The following SAMD5 variants were observed in gnomAD, a reference collection of about 807,000 sequenced individuals.
SAMD5 encodes sterile alpha motif domain containing 5.
Under a neutral mutation model 11.3 loss-of-function variants are expected in SAMD5, and 13 were observed. The ratio of observed to expected loss-of-function variants is 1.15; its 90% CI spans 0.75 to 1.83. The LOEUF (loss-of-function observed/expected upper bound fraction) is 1.83, where lower values mean the gene tolerates loss of function less well. SAMD5 is among the 40% of genes most tolerant of loss of function. SAMD5 has a pLI of 0.00. For synonymous variants in SAMD5, 129 were observed against 111.3 expected (o/e 1.16, Z -1.00); for missense variants, 255 against 239.1 (o/e 1.07, Z -0.44).
At chr6:147,843,118 C>G in the SAMD5 span, among the ~76,000 whole-genome samples, 1 of 152,202 alleles carries the variant, frequency 6.6e-6, no homozygotes, top group African/African-American at 2.4e-5. Flanking sequence ...CCCACCTCGG[C>G]CTCCCAAAGT....
At chr6:147,804,192 C>A in the SAMD5 span, among the ~76,000 whole-genome samples, 2 of 151,130 alleles carry the variant, frequency 1.3e-5, no homozygotes, top group African/African-American at 4.9e-5. Flanking sequence ...GCTGCAACTT[C>A]CACCTCTTGA....
At chr6:147,575,592 G>A (rs1382816286) in intron 1 of SAMD5, among the ~76,000 whole-genome samples, 1 of 152,218 alleles carries the variant, frequency 6.6e-6, no homozygotes, top group South Asian at 2.1e-4. Flanking sequence ...TCAAATCAAT[G>A]AAATTACAAG....
At chr6:147,647,900 G>A (rs2128453053) in intron 1 of SAMD5, among the ~76,000 whole-genome samples, 1 of 152,296 alleles carries the variant, frequency 6.6e-6, no homozygotes, top group South Asian at 2.1e-4. Flanking sequence ...AGGTAACAGA[G>A]TGTTGATGTT....
At chr6:147,882,079 C>G in the SAMD5 span, among the ~76,000 whole-genome samples, 1 of 152,102 alleles carries the variant, frequency 6.6e-6, no homozygotes, top group African/African-American at 2.4e-5. Context: ...TATCATGTGT[C>G]TCTCCTTGCC....
the SAMD5 span, among the ~76,000 whole-genome samples, chr6:147,792,146 A>G: frequency 6.6e-6 from 1 of 152,200 alleles, no homozygotes; most frequent in Non-Finnish European, 1.5e-5. Flanking sequence ...TTTATGAAAC[A>G]ACGTTACTGA....
intron 1 of SAMD5, among the ~76,000 whole-genome samples, chr6:147,531,031 A>T (rs1788422211): frequency 6.6e-6 from 1 of 152,156 alleles, no homozygotes; most frequent in South Asian, 2.1e-4. Context: ...TAAAACATAA[A>T]CCTTTTTCTC....
At chr6:147,922,111 T>C in the SAMD5 span, among the ~76,000 whole-genome samples, 2 of 152,168 alleles carry the variant, frequency 1.3e-5, no homozygotes, top group African/African-American at 4.8e-5. Context: ...AGTATACCCA[T>C]TCTCCTGACT....
At chr6:147,652,242 G>A (rs9403871) in intron 1 of SAMD5, among the ~76,000 whole-genome samples, 62,612 of 151,932 alleles carry the variant, frequency 0.41, 14,896 homozygotes, top group Middle Eastern at 0.54. Context: ...TTCATCAGAG[G>A]TTCCAAATAT....
At chr6:147,554,588 GT>G (rs143633451) in intron 1 of SAMD5, among the ~76,000 whole-genome samples, 4,931 of 152,202 alleles carry the variant, frequency 0.032, 260 homozygotes, top group African/African-American at 0.11. Context: ...AGAGAAGCAT[GT>G]TTTTTCCAGG....
chr6:147,633,259 T>C (rs944639700), intron 1 of SAMD5, among the ~76,000 whole-genome samples: 1 of 152,166 alleles, frequency 6.6e-6, no homozygotes, highest in African/African-American at 2.4e-5. Context: ...CTTTAGATAA[T>C]CTTTCACCAG....
chr6:147,860,148 T>G, the SAMD5 span, among the ~76,000 whole-genome samples: 1 of 152,136 alleles, frequency 6.6e-6, no homozygotes, highest in Admixed American at 6.6e-5. Context: ...GGATCCCTTC[T>G]TGCTTTCTTG....
intron 1 of SAMD5, among the ~76,000 whole-genome samples, chr6:147,663,363 A>G (rs1790672345): frequency 6.6e-6 from 1 of 152,162 alleles, no homozygotes; most frequent in African/African-American, 2.4e-5. Flanking sequence ...AAAAGAACTA[A>G]TGGGTACTAG....
chr6:147,525,071 A>T (rs1258904567), intron 1 of SAMD5, among the ~76,000 whole-genome samples: 1 of 151,888 alleles, frequency 6.6e-6, no homozygotes, highest in East Asian at 1.9e-4. Flanking sequence ...TTGCTTTATA[A>T]GATTTGGCAA....
intron 1 of SAMD5, among the ~76,000 whole-genome samples, chr6:147,616,176 T>C (rs55786344): frequency 0.029 from 2,700 of 93,604 alleles, 134 homozygotes; most frequent in African/African-American, 0.13. Context: ...CATATATATT[T>C]ATTCATATAT....
chr6:147,849,484 T>A, the SAMD5 span, among the ~76,000 whole-genome samples: 278 of 152,280 alleles, frequency 1.8e-3, 1 homozygote, highest in Middle Eastern at 6.8e-3. Flanking sequence ...GGGTTTTGAT[T>A]TACTTAAGAG....
At chr6:147,951,923 A>G in the SAMD5 span, among the ~76,000 whole-genome samples, 3 of 152,360 alleles carry the variant, frequency 2.0e-5, no homozygotes, top group East Asian at 5.8e-4. Flanking sequence ...ATCGGGATAC[A>G]TAGAACACCA....
chr6:147,597,885 G>A (rs969344396), intron 1 of SAMD5, among the ~76,000 whole-genome samples: 3 of 152,040 alleles, frequency 2.0e-5, no homozygotes, highest in Non-Finnish European at 2.9e-5. Context: ...CTGTCATCTG[G>A]TCACCTAGAT....
intron 1 of SAMD5, among the ~76,000 whole-genome samples, chr6:147,613,843 C>T (rs910471987): frequency 6.6e-6 from 1 of 151,832 alleles, no homozygotes; most frequent in Non-Finnish European, 1.5e-5. Flanking sequence ...TAAACATTTT[C>T]TTCCCTCTGT....
chr6:147,909,797 A>G, the SAMD5 span, among the ~76,000 whole-genome samples: 41,688 of 151,664 alleles, frequency 0.27, 6,848 homozygotes, highest in South Asian at 0.47. Flanking sequence ...AATATTTACT[A>G]TCCAGCTCTT....
Sources: allele counts gnomAD v4.1 joint callset (sites outside exome capture counted in the v4.1 genomes callset), GRCh38; gene constraint gnomAD v4.1.1; transcripts MANE v1.5; gene names NCBI Gene and HGNC (gene_info 2026-07-23, HGNC 2026-07-21).